The following CTNNA3 variants were observed in gnomAD, a reference collection of about 807,000 sequenced individuals.
CTNNA3 encodes catenin alpha 3.
Under a neutral mutation model 95.7 loss-of-function variants are expected in CTNNA3, and 76 were observed. That is an observed-to-expected ratio of 0.79 (90% confidence interval 0.66 to 0.96). The LOEUF is 0.96. Among genes scored for constraint, CTNNA3 ranks in the 40% least tolerant of loss-of-function variants. The pLI is 0.00. For synonymous variants in CTNNA3, 431 were observed against 374.4 expected, an observed-to-expected ratio of 1.15 and a Z score of -1.74; for missense variants, 1,191 against 1,089.8, an observed-to-expected ratio of 1.09 and a Z score of -1.31.
At chr10:67,656,577 GAAAA>G (rs1840031241) in intron 1 of CTNNA3, among the ~76,000 whole-genome samples, 1 of 151,980 alleles carries the variant, frequency 6.6e-6, no homozygotes, top group Admixed American at 6.6e-5. Flanking sequence ...TTTTAAAAAA[GAAAA>G]AGCAGAATAG....
intron 15 of CTNNA3, among the ~76,000 whole-genome samples, chr10:66,055,190 C>T (rs115641676): frequency 0.029 from 4,353 of 152,118 alleles, 197 homozygotes; most frequent in African/African-American, 0.099. Context: ...CTCAGGATTG[C>T]TTTGGCTATT....
chr10:66,621,697 G>A lies in CTNNA3; in HGVS notation c.1369C>T (p.Pro457Ser). 6.3e-7 allele frequency: 1 copy of A among 1,595,452 alleles called. No homozygotes were observed. Among genetic ancestry groups the A allele is most frequent in the Non-Finnish European group, 8.6e-7 (1 of 1,165,916 alleles). ...AAGTAACTTAGTTGTCATACCTGTG[G>A]ACACAAGGTTTCCAAATGATTGGCT... ...IAANHLETLC[P>S]QIINAALALA... The change falls in exon 10 of 18, where the codon CCA (proline) becomes TCA (serine). Residue 457 changes from proline (P) to serine (S), a missense_variant. Pro to Ser is a moderately conservative substitution (Grantham distance 74). Coordinates refer to ENST00000433211, the MANE Select transcript of CTNNA3 (RefSeq NM_013266.4).
chr10:66,689,646 C>A (rs528472068), intron 9 of CTNNA3, among the ~76,000 whole-genome samples: 25 of 152,108 alleles, frequency 1.6e-4, no homozygotes, highest in Non-Finnish European at 3.2e-4. Flanking sequence ...TATCTCAAAG[C>A]TCTTTGACAT....
Position 67,606,866 on chromosome 10 carries a change from G to T in CTNNA3, c.283C>A (p.Arg95Ser), listed in dbSNP as rs746030160. 4 of 1,612,716 alleles carry T rather than the reference G, an allele frequency of 2.5e-6. No individual in the cohort carries two copies. The highest frequency in any genetic ancestry group is 3.4e-6 in the Non-Finnish European group (4 of 1,179,296). ...DELTASLEEV[R>S]KESEALKVSA... ...GGATTGGAGTACTCACTTTCTTTGC[G>T]AACTTCCTCAAGTGAAGCCGTAAGC... The change falls in exon 3 of 18, where the codon CGC becomes AGC. Residue 95 changes from arginine to serine, a missense_variant. Arg to Ser is a moderately radical substitution (Grantham distance 110). Transcript: ENST00000433211.
At chr10:66,415,905 G>A (rs183923055) in intron 11 of CTNNA3, among the ~76,000 whole-genome samples, 27 of 152,196 alleles carry the variant, frequency 1.8e-4, no homozygotes, top group African/African-American at 6.3e-4. Context: ...TGAGATGCAC[G>A]GATATCAATG....
In CTNNA3 at chr10:67,089,495, G is replaced by A. The variant is rs894844274; in HGVS notation, c.1047+90822C>T. On this transcript the variant is annotated intron_variant, in intron 7 of 17. Coordinates refer to ENST00000433211, the MANE Select transcript of CTNNA3 (RefSeq NM_013266.4). Reference sequence around the variant, plus strand: ...AGTTCTAGGAGATAGATTGCTCTTCGAACAAATAAATCAGTTTCAAAGTAA... The same window carrying A: ...AGTTCTAGGAGATAGATTGCTCTTCAAACAAATAAATCAGTTTCAAAGTAA... Among the ~76,000 whole-genome samples the A allele has an allele frequency of 3.9e-5, 6 of 151,906 alleles. 1 individual carries two copies. Among genetic ancestry groups the A allele is most frequent in the Admixed American group, 2.6e-4 (4 of 15,224 alleles).
At chr10:67,494,075 T>G (rs1379018466) in intron 5 of CTNNA3, among the ~76,000 whole-genome samples, 1 of 152,118 alleles carries the variant, frequency 6.6e-6, no homozygotes. Context: ...AAAACTAAGT[T>G]TAAGGATAGC....
intron 17 of CTNNA3, among the ~76,000 whole-genome samples, chr10:65,958,868 C>T (rs184308345): frequency 1.4e-4 from 22 of 152,290 alleles, no homozygotes; most frequent in South Asian, 8.3e-4. Context: ...GCAGTCTGTC[C>T]GTTCTCAGAT....
chr10:66,866,007 A>G (rs1844160609), intron 7 of CTNNA3, among the ~76,000 whole-genome samples: 1 of 152,166 alleles, frequency 6.6e-6, no homozygotes, highest in Admixed American at 6.6e-5. Context: ...CCTATACCTA[A>G]ATATGGAATC....
At chr10:66,313,902 T>C (rs1037494536) in intron 12 of CTNNA3, among the ~76,000 whole-genome samples, 5 of 152,212 alleles carry the variant, frequency 3.3e-5, no homozygotes, top group Non-Finnish European at 7.3e-5. Context: ...AATATTTCCC[T>C]TGTCTACAAG....
intron 7 of CTNNA3, among the ~76,000 whole-genome samples, chr10:66,899,766 A>G (rs1265383065): frequency 2.0e-5 from 3 of 152,044 alleles, no homozygotes; most frequent in African/African-American, 7.2e-5. Context: ...GCAGTCTGAG[A>G]TCAACCTGCC....
chr10:66,566,508 C>T (rs1306871691), intron 10 of CTNNA3, among the ~76,000 whole-genome samples: 1 of 152,198 alleles, frequency 6.6e-6, no homozygotes, highest in Non-Finnish European at 1.5e-5. Context: ...AATTCAAAAT[C>T]AAACGCAAAA....
chr10:66,692,880 A>G (rs1472377063), intron 9 of CTNNA3, among the ~76,000 whole-genome samples: 1 of 152,170 alleles, frequency 6.6e-6, no homozygotes. Flanking sequence ...TAAGTGAAGG[A>G]GAAATAAAAT....
intron 15 of CTNNA3, among the ~76,000 whole-genome samples, chr10:66,024,635 G>C (rs2079300900): frequency 6.6e-6 from 1 of 152,130 alleles, no homozygotes; most frequent in Admixed American, 6.5e-5. Flanking sequence ...TAACATATGA[G>C]GTCAAGACTA....
intron 13 of CTNNA3, among the ~76,000 whole-genome samples, chr10:66,222,748 A>G (rs1021919501): frequency 1.8e-4 from 27 of 152,028 alleles, no homozygotes; most frequent in African/African-American, 6.5e-4. Context: ...AAAATGAAAG[A>G]AAAGGAAAAG....
intron 13 of CTNNA3, among the ~76,000 whole-genome samples, chr10:66,116,907 G>A (rs1047071010): frequency 2.6e-5 from 4 of 152,256 alleles, no homozygotes; most frequent in African/African-American, 9.6e-5. Flanking sequence ...AGAACAGCAA[G>A]GGGGAAGTCC....
In CTNNA3 at chr10:67,357,218, C is replaced by T. The variant is rs574552192; in HGVS notation, c.580-137348G>A. 1.1e-3 allele frequency among the ~76,000 whole-genome samples: 165 copies of T among 152,206 alleles called. 2 individuals are homozygous for T. The highest frequency in any genetic ancestry group is 3.4e-3 in the Middle Eastern group (1 of 294). On this transcript the variant is annotated intron_variant, in intron 5 of 17. Coordinates refer to ENST00000433211, the MANE Select transcript of CTNNA3 (RefSeq NM_013266.4). ...TCTCCTCACTGTCTGAAATGCATTA[C>T]TCTCTTCCTCTTCTCTCTCATTGTA...
At chr10:66,664,408 T>A (rs2132451633) in intron 9 of CTNNA3, among the ~76,000 whole-genome samples, 1 of 152,232 alleles carries the variant, frequency 6.6e-6, no homozygotes. Context: ...TTTGGAGCTC[T>A]GTATGTAAGT....
At position 66,109,097 on chromosome 10, in the gene CTNNA3, A is replaced by G. The variant is rs117285330; in HGVS notation, c.1885-5848T>C. On this transcript the variant is annotated intron_variant, in intron 13 of 17. Coordinates refer to ENST00000433211, the MANE Select transcript of CTNNA3 (RefSeq NM_013266.4). Reference sequence around the variant, plus strand: ...CCAATATGGATAAAAAAGACTTCAGAGAAAATGTCATCCAGTAAGCCCAGA... The same window carrying G: ...CCAATATGGATAAAAAAGACTTCAGGGAAAATGTCATCCAGTAAGCCCAGA... Among the ~76,000 whole-genome samples the G allele has an allele frequency of 4.6e-3, 699 of 152,318 alleles. 2 individuals are homozygous for G. Among genetic ancestry groups the G allele is most frequent in the Non-Finnish European group, 7.2e-3 (488 of 68,044 alleles).
Sources: allele counts gnomAD v4.1 joint callset (sites outside exome capture counted in the v4.1 genomes callset), GRCh38; gene constraint gnomAD v4.1.1; transcripts MANE v1.5; gene names NCBI Gene and HGNC (gene_info 2026-07-23, HGNC 2026-07-21).